The following KCNA1 variants were observed in gnomAD, a reference collection of about 807,000 sequenced individuals.
KCNA1 encodes the protein potassium channel, voltage gated shaker related subfamily A, member 1.
In KCNA1, 19 loss-of-function variants were observed where a neutral mutation model predicts 28.8. That is an observed-to-expected ratio of 0.66 (90% confidence interval 0.46 to 0.97). The LOEUF (loss-of-function observed/expected upper bound fraction) is 0.97. KCNA1 is among the 50% of genes least tolerant of loss of function. The pLI, the probability that KCNA1 is intolerant of heterozygous loss-of-function variation, is 0.00. For synonymous variants in KCNA1, 311 were observed against 268.8 expected, an observed-to-expected ratio of 1.16 and a Z score of -1.53; for missense variants, 419 against 659.7, an observed-to-expected ratio of 0.64 and a Z score of 4.00.
In KCNA1 at chr12:4,916,706, G is replaced by A. The variant is rs148103166; in HGVS notation, c.*3840G>A. Reference sequence around the variant, plus strand: ...TTCCCTGAAATGAATTGTAGGGCAGGTTTAGATTCCACTATGGTGGACGTG... The same window carrying A: ...TTCCCTGAAATGAATTGTAGGGCAGATTTAGATTCCACTATGGTGGACGTG... On this transcript the variant is annotated 3_prime_UTR_variant, in exon 2 of 2. Transcript: ENST00000382545. 4.3e-3 allele frequency: 719 copies of A among 167,160 alleles called. 6 individuals carry two copies. Among genetic ancestry groups the A allele is most frequent in the African/African-American group, 0.016 (652 of 41,566 alleles). The allele number at this position is 167,160 out of a possible 1,614,324, so 10.4% of individuals were successfully genotyped here.
Position 4,911,306 on chromosome 12 carries a change from C to G in KCNA1, c.-73C>G. The G allele has an allele frequency of 7.7e-7, 1 of 1,300,964 alleles. No homozygotes were observed. Among genetic ancestry groups the G allele is most frequent in the Non-Finnish European group, 1.1e-6 (1 of 918,924 alleles). The allele number at this position is 1,300,964 out of a possible 1,614,324, so 80.6% of individuals were successfully genotyped here. A position where few individuals can be genotyped will look rare whatever the true frequency, so the allele number is the denominator to read the frequency against. Reference sequence around the variant, plus strand: ...GGTGGGGGGGCCGCTTGGGTCCCCCCCACCCCTGGTCCCTGGCTGCTTCCC... The same window carrying G: ...GGTGGGGGGGCCGCTTGGGTCCCCCGCACCCCTGGTCCCTGGCTGCTTCCC... On this transcript the variant is annotated 5_prime_UTR_variant, in exon 2 of 2. Transcript: ENST00000382545. This position sits in a 1 kb window ranked among gnomAD's most constrained non-coding sequence, Gnocchi z 6.6.
At position 4,912,674 on chromosome 12, in the gene KCNA1, C is replaced by G. The variant is rs76066681; in HGVS notation, c.1296C>G (p.Ser432=). The change falls in exon 2 of 2, where the codon TCC becomes TCG. Residue 432 remains serine (S), a synonymous_variant. Coordinates refer to ENST00000382545, the MANE Select transcript of KCNA1 (RefSeq NM_000217.3). ...EEQAQLLHVS[S]PNLASDSDLS... Reference sequence around the variant, plus strand: ...AGGCTCAGTTGCTCCACGTCAGTTCCCCTAACTTAGCCTCTGACAGTGACC... The same window carrying G: ...AGGCTCAGTTGCTCCACGTCAGTTCGCCTAACTTAGCCTCTGACAGTGACC... 3.8e-3 allele frequency: 6,077 copies of G among 1,612,308 alleles called. 326 individuals carry two copies. The East Asian group carries it at 0.12, about 31-fold the overall frequency.
rs1947381242 is a variant in KCNA1 at position 4,915,728 on chromosome 12, T to A, written c.*2862T>A. Reference sequence around the variant, plus strand: ...CTTTCATTTCAACGTTGAGGTCTAGTGCACACAGAACTTGAAACACCGCAC... The same window carrying A: ...CTTTCATTTCAACGTTGAGGTCTAGAGCACACAGAACTTGAAACACCGCAC... On this transcript the variant is annotated 3_prime_UTR_variant, in exon 2 of 2. Coordinates refer to ENST00000382545, the MANE Select transcript of KCNA1 (RefSeq NM_000217.3). 1 of 167,132 alleles carries A rather than the reference T, an allele frequency of 6.0e-6. No homozygotes were observed. The highest frequency in any genetic ancestry group is 1.5e-5 in the Non-Finnish European group (1 of 68,140). 10.4% of individuals were successfully genotyped at this position (167,132 alleles called of 1,614,324 possible).
Position 4,911,186 on chromosome 12 carries a change from G to A in KCNA1, c.-193G>A, listed in dbSNP as rs925698547. On this transcript the variant is annotated 5_prime_UTR_variant, in exon 2 of 2. Transcript: ENST00000382545. This position sits in a 1 kb window ranked among gnomAD's most constrained non-coding sequence, Gnocchi z 6.6. ...GGATTCCAAACTGAGTGAAAGGCAG[G>A]GTGGAGGGGAAGGCAGCGAGAGGCA... is the stretch of plus-strand genomic sequence containing the variant. 8 of 605,800 alleles carry A rather than the reference G, an allele frequency of 1.3e-5. No individual in the cohort carries two copies. The highest frequency in any genetic ancestry group is 1.3e-4 in the African/African-American group (7 of 53,846). 37.5% of individuals were successfully genotyped at this position (605,800 alleles called of 1,614,324 possible). A position where few individuals can be genotyped will look rare whatever the true frequency, so the allele number is the denominator to read the frequency against.
rs1591628169 is a variant in KCNA1 at position 4,913,145 on chromosome 12, C to T, written c.*279C>T. On this transcript the variant is annotated 3_prime_UTR_variant, in exon 2 of 2. Coordinates refer to ENST00000382545, the MANE Select transcript of KCNA1 (RefSeq NM_000217.3). ...AACTGGCTTAAAAAGATTCAGTCCA[C>T]GAACTAGTCTAGGTAAAATAATAAT... 2.9e-5 allele frequency: 13 copies of T among 454,572 alleles called. No homozygotes were observed. The highest frequency in any genetic ancestry group is 7.5e-5 in the Admixed American group (2 of 26,808). The allele number at this position is 454,572 out of a possible 1,614,324, so 28.2% of individuals were successfully genotyped here.
At position 4,914,103 on chromosome 12, in the gene KCNA1, G is replaced by A. The variant is rs1481058021; in HGVS notation, c.*1237G>A. The A allele has an allele frequency of 6.0e-6, 1 of 166,558 alleles. No individual in the cohort carries two copies. The highest frequency in any genetic ancestry group is 2.4e-5 in the African/African-American group (1 of 41,210). 10.3% of individuals were successfully genotyped at this position (166,558 alleles called of 1,614,324 possible). On this transcript the variant is annotated 3_prime_UTR_variant, in exon 2 of 2. Transcript: ENST00000382545. ...AGGCCCAATAGAAATTATGGGGGGT[G>A]GGGGTGGGGGCACTCAGTCAATTTT...
Position 4,910,946 on chromosome 12 carries a change from C to G in KCNA1, c.-433C>G, listed in dbSNP as rs888237919. The G allele has an allele frequency of 3.5e-5, 7 of 200,896 alleles. No individual in the cohort carries two copies. The highest frequency in any genetic ancestry group is 6.1e-5 in the Non-Finnish European group (6 of 99,116). The allele number at this position is 200,896 out of a possible 1,614,324, so 12.4% of individuals were successfully genotyped here. ...GAGGGTGGCAGGCGTGGGGATCTGCCGAGCCGGCACTGCACCGGGTCCTAG... is the reference window on the plus strand; with the variant it reads ...GAGGGTGGCAGGCGTGGGGATCTGCGGAGCCGGCACTGCACCGGGTCCTAG... On this transcript the variant is annotated 5_prime_UTR_variant, in exon 2 of 2. Coordinates refer to ENST00000382545, the MANE Select transcript of KCNA1 (RefSeq NM_000217.3). The surrounding 1 kb of genome is among the most constrained non-coding windows in gnomAD (Gnocchi z 4.9).
rs1346249599 is a variant in KCNA1, at chr12:4,914,747, T to G, written c.*1881T>G. The G allele has an allele frequency of 1.2e-5, 2 of 167,172 alleles. No individual in the cohort carries two copies. Among genetic ancestry groups the G allele is most frequent in the Admixed American group, 6.5e-5 (1 of 15,288 alleles). The allele number at this position is 167,172 out of a possible 1,614,324, so 10.4% of individuals were successfully genotyped here. On this transcript the variant is annotated 3_prime_UTR_variant, in exon 2 of 2. Coordinates refer to ENST00000382545, the MANE Select transcript of KCNA1 (RefSeq NM_000217.3). ...GGCCATCTACTAGCATTGGTCCCTT[T>G]GACAGCCTGACGCTGGATGTGAACT... is the stretch of plus-strand genomic sequence containing the variant.
Position 4,913,006 on chromosome 12 carries a change from T to C in KCNA1, c.*140T>C. 1 of 715,826 alleles carries C rather than the reference T, an allele frequency of 1.4e-6. No homozygotes were observed. The highest frequency in any genetic ancestry group is 2.5e-6 in the Non-Finnish European group (1 of 396,476). The allele number at this position is 715,826 out of a possible 1,614,324, so 44.3% of individuals were successfully genotyped here. A position where few individuals can be genotyped will look rare whatever the true frequency, so the allele number is the denominator to read the frequency against. ...TTGGAATGCTCTATTTAACTGTCAA[T>C]GCGTTGTTGCATTGAGGATTTTGGG... On this transcript the variant is annotated 3_prime_UTR_variant, in exon 2 of 2. Coordinates refer to ENST00000382545, the MANE Select transcript of KCNA1 (RefSeq NM_000217.3).
chr12:4,911,286 G>C lies in KCNA1; in HGVS notation c.-93G>C, dbSNP rs1218691642. ...GTGAGGGAGACGCGCGCTCCGGTGG[G>C]GGGGCCGCTTGGGTCCCCCCCACCC... is the stretch of plus-strand genomic sequence containing the variant. On this transcript the variant is annotated 5_prime_UTR_variant, in exon 2 of 2. Coordinates refer to ENST00000382545, the MANE Select transcript of KCNA1 (RefSeq NM_000217.3). The surrounding 1 kb of genome is among the most constrained non-coding windows in gnomAD (Gnocchi z 6.6). 5 of 968,388 alleles carry C rather than the reference G, an allele frequency of 5.2e-6. No homozygotes were observed. The Admixed American group carries it at 9.5e-5, about 18-fold the overall frequency. The allele number at this position is 968,388 out of a possible 1,614,324, so 60.0% of individuals were successfully genotyped here. A position where few individuals can be genotyped will look rare whatever the true frequency, so the allele number is the denominator to read the frequency against.
Position 4,911,455 on chromosome 12 carries a change from G to T in KCNA1, c.77G>T (p.Arg26Leu). ...PGHPQDGSYP[R>L]QADHDDHECC... The stretch of plus-strand genomic sequence containing the variant: ...CACCCCCAGGATGGCAGCTACCCCC[G>T]GCAGGCCGACCACGACGACCACGAG... The change falls in exon 2 of 2, where the codon CGG becomes CTG. Residue 26 changes from arginine (R) to leucine (L), a missense_variant. By Grantham distance (102) the Arg-to-Leu change is moderately radical. Around this residue, in one of 4 missense-constraint regions of KCNA1, gnomAD observed 67 missense variants for 57.2 expected, o/e 1.17. Coordinates refer to ENST00000382545, the MANE Select transcript of KCNA1 (RefSeq NM_000217.3). The surrounding 1 kb of genome is among the most constrained non-coding windows in gnomAD (Gnocchi z 6.6). 8 of 1,613,852 alleles carry T rather than the reference G, an allele frequency of 5.0e-6. No individual in the cohort carries two copies. Among genetic ancestry groups the T allele is most frequent in the Non-Finnish European group, 6.8e-6 (8 of 1,179,954 alleles).
chr12:4,911,993 C>T lies in KCNA1; in HGVS notation c.615C>T (p.Ile205=). The stretch of plus-strand genomic sequence containing the variant: ...ACTTCACGGGCACCGTCCACCGCAT[C>T]GACAACACCACGGTCATCTACAATT... ...DKDFTGTVHR[I]DNTTVIYNSN... is the part of the protein sequence containing the mutation. The change falls in exon 2 of 2, where the codon ATC becomes ATT. Residue 205 remains isoleucine, a synonymous_variant. Coordinates refer to ENST00000382545, the MANE Select transcript of KCNA1 (RefSeq NM_000217.3). The surrounding 1 kb of genome is among the most constrained non-coding windows in gnomAD (Gnocchi z 6.6). 1.2e-6 allele frequency: 2 copies of T among 1,614,144 alleles called. No individual in the cohort carries two copies. The highest frequency in any genetic ancestry group is 1.7e-6 in the Non-Finnish European group (2 of 1,180,030).
chr12:4,913,689 C>T lies in KCNA1; in HGVS notation c.*823C>T, dbSNP rs1947366903. On this transcript the variant is annotated 3_prime_UTR_variant, in exon 2 of 2. Coordinates refer to ENST00000382545, the MANE Select transcript of KCNA1 (RefSeq NM_000217.3). Reference sequence around the variant, plus strand: ...TCAGAACTGGATGTAAAACCTTAGCCTCCTTATTGCAAGAGAGCACAAATG... The same window carrying T: ...TCAGAACTGGATGTAAAACCTTAGCTTCCTTATTGCAAGAGAGCACAAATG... 6.0e-6 allele frequency: 1 copy of T among 167,098 alleles called. No individual in the cohort carries two copies. Among genetic ancestry groups the T allele is most frequent in the Non-Finnish European group, 1.5e-5 (1 of 68,130 alleles). The allele number at this position is 167,098 out of a possible 1,614,324, so 10.4% of individuals were successfully genotyped here.
At position 4,911,283 on chromosome 12, in the gene KCNA1, T is replaced by TG. The variant is rs1164150668; in HGVS notation, c.-89dup. ...GGCGTGAGGGAGACGCGCGCTCCGG[T>TG]GGGGGGGCCGCTTGGGTCCCCCCCA... On this transcript the variant is annotated 5_prime_UTR_variant, in exon 2 of 2. Transcript: ENST00000382545. This position sits in a 1 kb window ranked among gnomAD's most constrained non-coding sequence, Gnocchi z 6.6. The TG allele has an allele frequency of 1.6e-5, 15 of 920,194 alleles. No individual in the cohort carries two copies. Among genetic ancestry groups the TG allele is most frequent in the African/African-American group, 3.3e-5 (2 of 60,244 alleles). The allele number at this position is 920,194 out of a possible 1,614,324, so 57.0% of individuals were successfully genotyped here. A position where few individuals can be genotyped will look rare whatever the true frequency, so the allele number is the denominator to read the frequency against.
rs1947339413 is a variant in KCNA1 at position 4,910,128 on chromosome 12, C to G, written c.-884C>G. On this transcript the variant is annotated 5_prime_UTR_variant, in exon 1 of 2. Transcript: ENST00000382545. This position sits in a 1 kb window ranked among gnomAD's most constrained non-coding sequence, Gnocchi z 4.9. ...AGGGGGCGAGAGTGCTGTTTATCGT[C>G]ATTTGCCTCGGAGCTTCGAGAGAGG... 6.5e-6 allele frequency: 1 copy of G among 152,702 alleles called. No individual in the cohort carries two copies. The highest frequency in any genetic ancestry group is 1.5e-5 in the Non-Finnish European group (1 of 68,078). 9.5% of individuals were successfully genotyped at this position (152,702 alleles called of 1,614,324 possible). A position where few individuals can be genotyped will look rare whatever the true frequency, so the allele number is the denominator to read the frequency against.
Position 4,911,272 on chromosome 12 carries a change from G to A in KCNA1, c.-107G>A, listed in dbSNP as rs904539145. 2 of 803,466 alleles carry A rather than the reference G, an allele frequency of 2.5e-6. No individual in the cohort carries two copies. Among genetic ancestry groups the A allele is most frequent in the South Asian group, 1.6e-5 (1 of 61,470 alleles). 49.8% of individuals were successfully genotyped at this position (803,466 alleles called of 1,614,324 possible). ...ACCTCCCCCTGGGCGTGAGGGAGAC[G>A]CGCGCTCCGGTGGGGGGGCCGCTTG... On this transcript the variant is annotated 5_prime_UTR_variant, in exon 2 of 2. Transcript: ENST00000382545. The surrounding 1 kb of genome is among the most constrained non-coding windows in gnomAD (Gnocchi z 6.6).
Position 4,912,431 on chromosome 12 carries a change from A to G in KCNA1, c.1053A>G (p.Glu351=), listed in dbSNP as rs1003049385. 1 of 1,613,754 alleles carries G rather than the reference A, an allele frequency of 6.2e-7. No individual in the cohort carries two copies. The highest frequency in any genetic ancestry group is 8.5e-7 in the Non-Finnish European group (1 of 1,179,982). Residue 351 remains glutamate, a synonymous_variant, in exon 2 of 2, where the codon GAA becomes GAG. Coordinates refer to ENST00000382545, the MANE Select transcript of KCNA1 (RefSeq NM_000217.3). ...SSAVYFAEAE[E]AESHFSSIPD... ...CAGTGTACTTTGCCGAGGCGGAAGA[A>G]GCTGAGTCGCACTTCTCCAGTATCC... is the stretch of plus-strand genomic sequence containing the variant.
At position 4,911,388 on chromosome 12, in the gene KCNA1, A is replaced by G. The variant is rs1358355196; in HGVS notation, c.10A>G (p.Met4Val). The change falls in exon 2 of 2, where the codon ATG (methionine) becomes GTG (valine). Residue 4 changes from methionine to valine, a missense_variant. Met to Val is a conservative substitution (Grantham distance 21). This residue lies in a region of KCNA1 where 67 missense variants were observed against 57.2 expected (regional missense o/e 1.17). Transcript: ENST00000382545. The surrounding 1 kb of genome is among the most constrained non-coding windows in gnomAD (Gnocchi z 6.6). Reference sequence around the variant, plus strand: ...GCGCCCGGCTTCCACCATGACGGTGATGTCTGGGGAGAACGTGGACGAGGC... The same window carrying G: ...GCGCCCGGCTTCCACCATGACGGTGGTGTCTGGGGAGAACGTGGACGAGGC... MTV[M>V]SGENVDEASA... The G allele has an allele frequency of 6.2e-7, 1 of 1,603,992 alleles. No individual in the cohort carries two copies. Among genetic ancestry groups the G allele is most frequent in the Non-Finnish European group, 8.5e-7 (1 of 1,175,794 alleles).
chr12:4,912,458 C>T lies in KCNA1; in HGVS notation c.1080C>T (p.Pro360=), dbSNP rs2079616481. ...CTGAGTCGCACTTCTCCAGTATCCC[C>T]GATGCTTTCTGGTGGGCGGTGGTGT... The part of the protein sequence containing the change: ...EEAESHFSSI[P]DAFWWAVVSM... Residue 360 remains proline, a synonymous_variant, in exon 2 of 2, where the codon CCC becomes CCT. Coordinates refer to ENST00000382545, the MANE Select transcript of KCNA1 (RefSeq NM_000217.3). 25 of 1,613,804 alleles carry T rather than the reference C, an allele frequency of 1.5e-5. No homozygotes were observed. Among genetic ancestry groups the T allele is most frequent in the East Asian group, 2.2e-5 (1 of 44,840 alleles).
Sources: gnomAD v4.1 joint callset for allele counts on GRCh38, gnomAD v4.1.1 for gene constraint, gnomAD v4.1.1 regional missense constraint, Gnocchi (gnomAD v3.1) non-coding constraint, MANE v1.5 for transcripts, NCBI Gene and HGNC (gene_info 2026-07-23, HGNC 2026-07-21) for gene names.